The following INSC variants were observed in gnomAD, a reference collection of about 807,000 sequenced individuals.
INSC encodes the protein INSC spindle orientation adaptor protein, also known as protein inscuteable homolog.
In INSC, 67 loss-of-function variants were observed where a neutral mutation model predicts 58.6. The observed-to-expected ratio is 1.14, with a 90% CI of 0.94 to 1.40. The LOEUF (loss-of-function observed/expected upper bound fraction) is 1.40, where lower values mean the gene tolerates loss of function less well. Among genes scored for constraint, INSC ranks in the 40% most tolerant of loss-of-function variants. The pLI is 0.00. For missense variants in INSC, 714 were observed against 692.0 expected (o/e 1.03, Z -0.36); for synonymous variants, 262 against 276.1 (o/e 0.95, Z 0.51).
chr11:15,262,655 A>AACACACACACAC, the INSC span, among the ~76,000 whole-genome samples: 14,167 of 146,626 alleles, frequency 0.097, 722 homozygotes, highest in Non-Finnish European at 0.12. Flanking sequence ...CTGGGTGATA[A>AACACACACACAC]ACACACACAC....
the INSC span, among the ~76,000 whole-genome samples, chr11:15,252,536 G>C: frequency 1.3e-5 from 2 of 152,178 alleles, no homozygotes; most frequent in South Asian, 4.1e-4. Flanking sequence ...CTTCATTGGA[G>C]CCTCTCCGCA....
At position 15,200,901 on chromosome 11, in the gene INSC, G is replaced by T. The variant is rs747626757; in HGVS notation, c.771G>T (p.Thr257=). The T allele has an allele frequency of 6.2e-7, 1 of 1,613,494 alleles. No individual in the cohort carries two copies. The highest frequency in any genetic ancestry group is 8.5e-7 in the Non-Finnish European group (1 of 1,179,882). ...FRCLYPQALR[T]LASICCVEEG... Reference sequence around the variant, plus strand: ...GCTTGTACCCCCAGGCGCTCCGCACGCTGGCCTCCATCTGCTGCGTGGAAG... The same window carrying T: ...GCTTGTACCCCCAGGCGCTCCGCACTCTGGCCTCCATCTGCTGCGTGGAAG... Residue 257 remains threonine, a synonymous_variant, in exon 7 of 13, where the codon ACG becomes ACT. Coordinates refer to ENST00000379556, the MANE Select transcript of INSC (RefSeq NM_001042536.3).
intron 2 of INSC, among the ~76,000 whole-genome samples, chr11:15,165,399 C>A (rs1221435919): frequency 6.6e-6 from 1 of 152,170 alleles, no homozygotes; most frequent in Non-Finnish European, 1.5e-5. Flanking sequence ...ATAATCACTT[C>A]ACTTAATAAT....
At chr11:15,211,778 G>A (rs10832372) in intron 7 of INSC, among the ~76,000 whole-genome samples, 42,280 of 151,586 alleles carry the variant, frequency 0.28, 6,663 homozygotes, top group East Asian at 0.73. Context: ...TGAAAAGACT[G>A]TACTTTCAGC....
At chr11:15,227,086 A>T (rs1851669907) in intron 9 of INSC, among the ~76,000 whole-genome samples, 1 of 152,232 alleles carries the variant, frequency 6.6e-6, no homozygotes, top group Non-Finnish European at 1.5e-5. Context: ...CATTTTATAG[A>T]TAAGAATATT....
At chr11:15,250,765 T>C (rs1590025356), downstream of INSC, among the ~76,000 whole-genome samples, 2 of 152,216 alleles carry the variant, frequency 1.3e-5, no homozygotes, top group East Asian at 1.9e-4. Flanking sequence ...TTTATTCTTA[T>C]ATTTCCTGTG....
chr11:15,209,331 C>T (rs1249228256), intron 7 of INSC, among the ~76,000 whole-genome samples: 1 of 152,202 alleles, frequency 6.6e-6, no homozygotes, highest in Non-Finnish European at 1.5e-5. Flanking sequence ...GAAGATGATA[C>T]AAGTCAATGC....
intron 6 of INSC, among the ~76,000 whole-genome samples, chr11:15,191,127 C>A (rs1022727370): frequency 1.1e-4 from 16 of 152,124 alleles, no homozygotes; most frequent in Admixed American, 8.5e-4. Flanking sequence ...ACTACAGGCG[C>A]CTGCCACCAC....
At chr11:15,210,748 G>A (rs1850993262) in intron 7 of INSC, among the ~76,000 whole-genome samples, 2 of 152,088 alleles carry the variant, frequency 1.3e-5, no homozygotes, top group South Asian at 4.2e-4. Flanking sequence ...GGCACTCTCA[G>A]CCACCCCTGA....
the INSC span, among the ~76,000 whole-genome samples, chr11:15,258,742 C>T: frequency 6.6e-6 from 1 of 152,168 alleles, no homozygotes; most frequent in Non-Finnish European, 1.5e-5. Context: ...ACTCTCTGAC[C>T]TGGGGCGGGT....
At chr11:15,251,454 A>G (rs1478463123), downstream of INSC, among the ~76,000 whole-genome samples, 1 of 152,258 alleles carries the variant, frequency 6.6e-6, no homozygotes, top group Non-Finnish European at 1.5e-5. Context: ...GATCACCAAT[A>G]AGAAAGTGAA....
At chr11:15,248,738 A>G (rs1852618761), downstream of INSC, among the ~76,000 whole-genome samples, 1 of 152,240 alleles carries the variant, frequency 6.6e-6, no homozygotes, top group Non-Finnish European at 1.5e-5. Context: ...GAAAATTTCT[A>G]CACTGCAACC....
At chr11:15,141,414 C>T (rs1036118870) in intron 1 of INSC, among the ~76,000 whole-genome samples, 3 of 152,176 alleles carry the variant, frequency 2.0e-5, no homozygotes, top group Non-Finnish European at 4.4e-5. Context: ...GCAAGTCGTT[C>T]TGGGCTATCC....
Position 15,221,473 on chromosome 11 carries a change from G to T in INSC, c.820-4G>T, listed in dbSNP as rs761205290. 9 of 1,603,318 alleles carry T rather than the reference G, an allele frequency of 5.6e-6. No individual in the cohort carries two copies. The highest frequency in any genetic ancestry group is 7.7e-6 in the Non-Finnish European group (9 of 1,173,452). ...ACAGGGGAGCTCCCTCTCTCCATCTGCAGGTGGATGGCGTTCTGTGCTTGG... is the reference window on the plus strand; with the variant it reads ...ACAGGGGAGCTCCCTCTCTCCATCTTCAGGTGGATGGCGTTCTGTGCTTGG... On this transcript the variant is annotated splice_polypyrimidine_tract_variant and splice_region_variant and intron_variant, in intron 7 of 12. Coordinates refer to ENST00000379556, the MANE Select transcript of INSC (RefSeq NM_001042536.3).
At chr11:15,123,606 A>G (rs1404879933) in intron 1 of INSC, among the ~76,000 whole-genome samples, 2 of 152,104 alleles carry the variant, frequency 1.3e-5, no homozygotes, top group Non-Finnish European at 2.9e-5. Flanking sequence ...TTCTGTACAA[A>G]TTAAGATGTC....
In INSC at chr11:15,178,353, T is replaced by G; in HGVS notation, c.485T>G (p.Leu162Arg). The G allele has an allele frequency of 6.2e-7, 1 of 1,613,986 alleles. No individual in the cohort carries two copies. The highest frequency in any genetic ancestry group is 8.5e-7 in the Non-Finnish European group (1 of 1,180,044). Residue 162 changes from leucine (L) to arginine (R), a missense_variant, in exon 5 of 13, where the codon CTG (leucine) becomes CGG (arginine). Leu to Arg is a moderately radical substitution (Grantham distance 102). Transcript: ENST00000379556. Reference sequence around the variant, plus strand: ...CTTCAGGTTGAGAATGAGCATGTCCTGAAGTCAATGAAGGCCTGCGTGAGT... The same window carrying G: ...CTTCAGGTTGAGAATGAGCATGTCCGGAAGTCAATGAAGGCCTGCGTGAGT... The part of the protein sequence containing the change: ...RCLQVENEHV[L>R]KSMKACVSET...
chr11:15,209,539 G>A (rs866861843), intron 7 of INSC, among the ~76,000 whole-genome samples: 1 of 152,058 alleles, frequency 6.6e-6, no homozygotes, highest in Non-Finnish European at 1.5e-5. Flanking sequence ...CACACAGTAT[G>A]TGGTACTGCT....
At chr11:15,113,143 T>TTCTTTCTTTCTTTCTCTCTCTCTCTC, upstream of INSC, among the ~76,000 whole-genome samples, 1 of 98,642 alleles carries the variant, frequency 1.0e-5, no homozygotes, top group Non-Finnish European at 2.3e-5. Flanking sequence ...CTTTCTTTCT[T>TTCTTTCTTTCTTTCTCTCTCTCTCTC]TCTGTCTCTC....
At chr11:15,145,233 G>C (rs1039486666) in intron 1 of INSC, among the ~76,000 whole-genome samples, 1 of 152,162 alleles carries the variant, frequency 6.6e-6, no homozygotes, top group Non-Finnish European at 1.5e-5. Context: ...CTGGGAAGTA[G>C]GTATAATTGA....
Sources: allele counts gnomAD v4.1 joint callset (sites outside exome capture counted in the v4.1 genomes callset), GRCh38; gene constraint gnomAD v4.1.1; transcripts MANE v1.5; gene names NCBI Gene and HGNC (gene_info 2026-07-23, HGNC 2026-07-21).